Variants in OSBPL2 observed in about 807,000 individuals in gnomAD.
The protein encoded by OSBPL2 is oxysterol-binding protein-related protein 2.
In OSBPL2, 18 loss-of-function variants were observed where a neutral mutation model predicts 58.4. That is an observed-to-expected ratio of 0.31 (90% CI 0.21 to 0.46). OSBPL2 has a LOEUF of 0.46. OSBPL2 is among the 20% of genes least tolerant of loss of function. OSBPL2 has a pLI of 1.00. For missense variants in OSBPL2, 461 were observed against 616.5 expected, an observed-to-expected ratio of 0.75 and a Z score of 2.67; for synonymous variants, 221 against 234.1, an observed-to-expected ratio of 0.94 and a Z score of 0.51.
chr20:62,275,071 G>T (rs917701710), intron 6 of OSBPL2, among the ~76,000 whole-genome samples: 27 of 152,250 alleles, frequency 1.8e-4, no homozygotes, highest in African/African-American at 6.3e-4. Context: ...ACAATAGCTG[G>T]CTGGGCTCAC....
intron 2 of OSBPL2, among the ~76,000 whole-genome samples, chr20:62,257,197 A>G (rs1425653619): frequency 1.3e-5 from 2 of 152,196 alleles, no homozygotes; most frequent in African/African-American, 4.8e-5. Flanking sequence ...TGGCCCTGCC[A>G]GGGTGGGTGT....
Position 62,295,964 on chromosome 20 carries a change from C to T in OSBPL2, c.*2077C>T, listed in dbSNP as rs1331322908. Reference sequence around the variant, plus strand: ...GGCTGGTTGGCTGCACAGACAGCCCCTCTTCTGCTGTCCTTGAGGACAGAC... The same window carrying T: ...GGCTGGTTGGCTGCACAGACAGCCCTTCTTCTGCTGTCCTTGAGGACAGAC... On this transcript the variant is annotated 3_prime_UTR_variant, in exon 14 of 14. Transcript: ENST00000313733. The surrounding 1 kb of genome is among the most constrained non-coding windows in gnomAD (Gnocchi z 4.8). 1 of 152,236 alleles carries T rather than the reference C, an allele frequency of 6.6e-6. No individual in the cohort carries two copies. Among genetic ancestry groups the T allele is most frequent in the Non-Finnish European group, 1.5e-5 (1 of 68,044 alleles). 9.4% of individuals were successfully genotyped at this position (152,236 alleles called of 1,614,324 possible). A position where few individuals can be genotyped will look rare whatever the true frequency, so the allele number is the denominator to read the frequency against.
intron 4 of OSBPL2, among the ~76,000 whole-genome samples, chr20:62,264,358 T>C (rs924155141): frequency 6.6e-6 from 1 of 152,102 alleles, no homozygotes; most frequent in African/African-American, 2.4e-5. Flanking sequence ...CACCCAGAAG[T>C]TACAGACTTT....
At chr20:62,265,906 G>A (rs1320994443) in intron 4 of OSBPL2, among the ~76,000 whole-genome samples, 1 of 152,106 alleles carries the variant, frequency 6.6e-6, no homozygotes, top group Admixed American at 6.5e-5. Flanking sequence ...ATTGCTTGAG[G>A]CCAGGAGCTT....
Position 62,260,105 on chromosome 20 carries a change from G to C in OSBPL2, c.162G>C (p.Glu54Asp), listed in dbSNP as rs904809761. 12 of 1,613,858 alleles carry C rather than the reference G, an allele frequency of 7.4e-6. No homozygotes were observed. Among genetic ancestry groups the C allele is most frequent in the Non-Finnish European group, 9.3e-6 (11 of 1,179,950 alleles). ...AAACTGGGGAGAGGCCCTCTCAAGAGAACGGAATTCAGAAACACAGGTATG... is the reference window on the plus strand; with the variant it reads ...AAACTGGGGAGAGGCCCTCTCAAGACAACGGAATTCAGAAACACAGGTATG... ...IGKTGERPSQ[E>D]NGIQKHRTSL... Residue 54 changes from glutamate to aspartate, a missense_variant, in exon 3 of 14, where the codon GAG becomes GAC. By Grantham distance (45) the Glu-to-Asp change is conservative (BLOSUM62 2). Around this residue, in one of 5 missense-constraint regions of OSBPL2, gnomAD observed 80 missense variants for 74.8 expected, o/e 1.07. Coordinates refer to ENST00000313733, the MANE Select transcript of OSBPL2 (RefSeq NM_144498.4).
At chr20:62,258,691 C>T (rs927235670) in intron 2 of OSBPL2, among the ~76,000 whole-genome samples, 11 of 151,898 alleles carry the variant, frequency 7.2e-5, no homozygotes, top group South Asian at 2.1e-4. Context: ...TTAGGCCATC[C>T]ATGTAGTGTT....
rs372783850 is a variant in OSBPL2 at position 62,284,156 on chromosome 20, G to C, written c.983G>C (p.Arg328Thr). The C allele has an allele frequency of 6.8e-6, 11 of 1,614,164 alleles. No individual in the cohort carries two copies. Among genetic ancestry groups the C allele is most frequent in the Non-Finnish European group, 9.3e-6 (11 of 1,180,034 alleles). ...KKQERRGDHL[R>T]KAKLDEDSGK... ...CAGGAGAGGAGAGGTGACCACCTGA[G>C]AAAGGCCAAGCTGGTAAGGGCTGGG... is the stretch of plus-strand genomic sequence containing the variant. Residue 328 changes from arginine (R) to threonine (T), a missense_variant, in exon 10 of 14, where the codon AGA becomes ACA. This residue lies in a region of OSBPL2 where 319 missense variants were observed against 419.2 expected (regional missense o/e 0.76). Coordinates refer to ENST00000313733, the MANE Select transcript of OSBPL2 (RefSeq NM_144498.4).
chr20:62,287,310 T>G (rs1246796064), intron 11 of OSBPL2, among the ~76,000 whole-genome samples: 1 of 152,328 alleles, frequency 6.6e-6, no homozygotes, highest in Non-Finnish European at 1.5e-5. Context: ...TATATAAAAT[T>G]TATGCAACTT....
rs11470491 is a variant in OSBPL2 at position 62,248,155 on chromosome 20, C to CTT, written c.-128-7886_-128-7885dup. On this transcript the variant is annotated intron_variant, in intron 1 of 13. Transcript: ENST00000313733. Reference sequence around the variant, plus strand: ...TTTTTTTTCTTTTTTCTTTTCTTTTCTTTTTTTTTTTTTTTTTGTGACAGG... The same window carrying CTT: ...TTTTTTTTCTTTTTTCTTTTCTTTTCTTTTTTTTTTTTTTTTTTTGTGACAGG... Among the ~76,000 whole-genome samples the CTT allele has an allele frequency of 1.6e-3, 192 of 118,818 alleles. 1 individual carries two copies. The highest frequency in any genetic ancestry group is 5.1e-3 in the African/African-American group (159 of 31,336). The allele number at this position is 118,818 out of a possible 152,430, so 77.9% of individuals were successfully genotyped here. A position where few individuals can be genotyped will look rare whatever the true frequency, so the allele number is the denominator to read the frequency against.
At chr20:62,260,202 C>A (rs2145932879) in intron 3 of OSBPL2, 77 bp downstream of exon 3, 2 of 1,406,386 alleles carry the variant, frequency 1.4e-6, no homozygotes, top group Non-Finnish European at 2.0e-6. Flanking sequence ...TACCCCTCAG[C>A]CCTCACGAGC....
At position 62,284,175 on chromosome 20, in the gene OSBPL2, G is replaced by T. The variant is rs201704580; in HGVS notation, c.996+6G>T. The T allele has an allele frequency of 7.2e-5, 116 of 1,613,974 alleles. No individual in the cohort carries two copies. Among genetic ancestry groups the T allele is most frequent in the South Asian group, 3.6e-4 (33 of 91,078 alleles). On this transcript the variant is annotated splice_donor_region_variant and intron_variant, in intron 10 of 13. Transcript: ENST00000313733. Reference sequence around the variant, plus strand: ...ACCTGAGAAAGGCCAAGCTGGTAAGGGCTGGGGCGTCCCCGGGCAGAGCTG... The same window carrying T: ...ACCTGAGAAAGGCCAAGCTGGTAAGTGCTGGGGCGTCCCCGGGCAGAGCTG...
At chr20:62,291,072 G>A (rs1214074079) in intron 12 of OSBPL2, among the ~76,000 whole-genome samples, 2 of 152,046 alleles carry the variant, frequency 1.3e-5, no homozygotes, top group East Asian at 1.9e-4. Context: ...CATGTTGCCC[G>A]GGCTGGTTGC....
chr20:62,273,767 A>T (rs1282846008), intron 6 of OSBPL2, among the ~76,000 whole-genome samples: 1 of 152,224 alleles, frequency 6.6e-6, no homozygotes, highest in Non-Finnish European at 1.5e-5. Flanking sequence ...AATGAGCAAA[A>T]CTAGGCTGTT....
intron 1 of OSBPL2, among the ~76,000 whole-genome samples, chr20:62,241,973 A>G (rs1379826469): frequency 6.6e-6 from 1 of 152,248 alleles, no homozygotes; most frequent in Non-Finnish European, 1.5e-5. Context: ...TTATAACCTT[A>G]TCTACACTGA....
chr20:62,245,701 G>T (rs1317540449), intron 1 of OSBPL2, among the ~76,000 whole-genome samples: 2 of 152,214 alleles, frequency 1.3e-5, no homozygotes, highest in Non-Finnish European at 2.9e-5. Context: ...AAGGGCAAAG[G>T]CCTGAGCGGC....
chr20:62,249,433 C>T (rs1288380180), intron 1 of OSBPL2, among the ~76,000 whole-genome samples: 1 of 152,170 alleles, frequency 6.6e-6, no homozygotes, highest in Non-Finnish European at 1.5e-5. Context: ...GTGAGATCTG[C>T]GCGTGGAAGA....
chr20:62,241,143 C>T (rs561457460), intron 1 of OSBPL2, among the ~76,000 whole-genome samples: 6 of 152,074 alleles, frequency 3.9e-5, no homozygotes, highest in Non-Finnish European at 5.9e-5. Context: ...TCCTCTGTGC[C>T]GTCCAGGAGA....
chr20:62,245,593 A>G (rs946849049), intron 1 of OSBPL2, among the ~76,000 whole-genome samples: 4 of 152,328 alleles, frequency 2.6e-5, no homozygotes, highest in Middle Eastern at 3.4e-3. Context: ...CTTCTGATGC[A>G]GTTGGACTTA....
At chr20:62,287,016 A>T (rs926281738) in intron 11 of OSBPL2, among the ~76,000 whole-genome samples, 3 of 152,254 alleles carry the variant, frequency 2.0e-5, no homozygotes, top group African/African-American at 7.2e-5. Context: ...CCCGCCGGGC[A>T]CACATGCTTG....
Sources: allele counts gnomAD v4.1 joint callset (sites outside exome capture counted in the v4.1 genomes callset), GRCh38; gene constraint gnomAD v4.1.1; regional missense constraint gnomAD v4.1.1; non-coding constraint Gnocchi (gnomAD v3.1); transcripts MANE v1.5; gene names NCBI Gene and HGNC (gene_info 2026-07-23, HGNC 2026-07-21).